PDE1C: variants seen among roughly 807,000 people sequenced by gnomAD.
The protein encoded by PDE1C is phosphodiesterase 1C.
Under a neutral mutation model 93.1 loss-of-function variants are expected in PDE1C, and 62 were observed. That is an observed-to-expected ratio of 0.67 (90% CI 0.54 to 0.82). The LOEUF (loss-of-function observed/expected upper bound fraction) is 0.82. Among genes scored for constraint, PDE1C ranks in the 40% least tolerant of loss-of-function variants. The pLI is 0.00. For synonymous variants in PDE1C, 325 were observed against 310.1 expected (o/e 1.05, Z -0.50); for missense variants, 742 against 884.6 (o/e 0.84, Z 2.04).
intron 1 of PDE1C, among the ~76,000 whole-genome samples, chr7:32,258,341 G>C (rs1269164289): frequency 6.6e-6 from 1 of 152,234 alleles, no homozygotes; most frequent in East Asian, 1.9e-4. Context: ...TCAAAGCTGT[G>C]AGATGAAACT....
intron 2 of PDE1C, among the ~76,000 whole-genome samples, chr7:32,180,738 A>G (rs1803340427): frequency 6.6e-6 from 1 of 152,270 alleles, no homozygotes; most frequent in Admixed American, 6.5e-5. Context: ...ATATAAGTGC[A>G]GAATTTTCCA....
At chr7:31,991,566 CA>C (rs1330154340) in intron 2 of PDE1C, among the ~76,000 whole-genome samples, 1 of 152,174 alleles carries the variant, frequency 6.6e-6, no homozygotes, top group Admixed American at 6.5e-5. Context: ...ACAGCATATG[CA>C]ATGCACCTCC....
chr7:31,730,882 A>G, the PDE1C span, among the ~76,000 whole-genome samples: 1 of 152,082 alleles, frequency 6.6e-6, no homozygotes, highest in African/African-American at 2.4e-5. Flanking sequence ...AGGATGAACA[A>G]AAGAGGAAAG....
At chr7:31,860,389 T>A (rs1425528270) in intron 7 of PDE1C, among the ~76,000 whole-genome samples, 1 of 152,192 alleles carries the variant, frequency 6.6e-6, no homozygotes, top group Non-Finnish European at 1.5e-5. Context: ...GAAACCCTGC[T>A]CTACATCCTA....
chr7:32,360,437 G>A (rs910894543), intron 1 of PDE1C, among the ~76,000 whole-genome samples: 13 of 151,728 alleles, frequency 8.6e-5, no homozygotes, highest in Non-Finnish European at 1.6e-4. Context: ...CAAGGCAGAG[G>A]TCTTTCTCAT....
chr7:31,719,447 T>C, the PDE1C span, among the ~76,000 whole-genome samples: 1 of 152,328 alleles, frequency 6.6e-6, no homozygotes, highest in East Asian at 1.9e-4. Context: ...AAGGATTTTT[T>C]CCACTGTTTT....
intron 3 of PDE1C, among the ~76,000 whole-genome samples, chr7:32,083,120 A>C (rs1796819908): frequency 6.6e-6 from 1 of 152,128 alleles, no homozygotes; most frequent in Admixed American, 6.5e-5. Flanking sequence ...ATTTAGACGA[A>C]TGTATAACTA....
intron 1 of PDE1C, among the ~76,000 whole-genome samples, chr7:32,288,486 C>T (rs1243333288): frequency 6.6e-6 from 1 of 152,140 alleles, no homozygotes; most frequent in Admixed American, 6.5e-5. Context: ...AACGGTTGGC[C>T]TCATGAATGA....
chr7:31,981,928 CTT>C (rs1812434482), intron 2 of PDE1C, among the ~76,000 whole-genome samples: 1 of 152,190 alleles, frequency 6.6e-6, no homozygotes, highest in African/African-American at 2.4e-5. Flanking sequence ...ACATGTGAGA[CTT>C]TGTTCTAGGT....
chr7:32,348,489 C>T (rs1783896757), intron 1 of PDE1C, among the ~76,000 whole-genome samples: 1 of 151,596 alleles, frequency 6.6e-6, no homozygotes, highest in Non-Finnish European at 1.5e-5. Flanking sequence ...CTCAGCCTCC[C>T]AGGTAGCTGG....
chr7:31,671,650 A>G, the PDE1C span, among the ~76,000 whole-genome samples: 1 of 152,118 alleles, frequency 6.6e-6, no homozygotes, highest in Non-Finnish European at 1.5e-5. Context: ...AGGGGGAGTC[A>G]TGGGACCCTG....
At chr7:32,181,200 G>A (rs900916086) in intron 2 of PDE1C, among the ~76,000 whole-genome samples, 1 of 152,094 alleles carries the variant, frequency 6.6e-6, no homozygotes, top group African/African-American at 2.4e-5. Flanking sequence ...ATAATAACGG[G>A]AGACTTTAAC....
the PDE1C span, among the ~76,000 whole-genome samples, chr7:31,745,244 T>A: frequency 6.6e-6 from 1 of 152,224 alleles, no homozygotes; most frequent in Non-Finnish European, 1.5e-5. Flanking sequence ...AGTTAGTGAT[T>A]GTCTGCTGGA....
chr7:32,194,355 T>G (rs1162444601), intron 2 of PDE1C, among the ~76,000 whole-genome samples: 1 of 152,240 alleles, frequency 6.6e-6, no homozygotes, highest in Non-Finnish European at 1.5e-5. Flanking sequence ...TATTCATAAT[T>G]TGTGTCTTGT....
the PDE1C span, among the ~76,000 whole-genome samples, chr7:31,639,096 G>A: frequency 3.3e-5 from 5 of 152,086 alleles, no homozygotes; most frequent in Non-Finnish European, 5.9e-5. Flanking sequence ...ATTTTCATGT[G>A]CCTTGGTGTA....
chr7:32,381,616 T>G (rs193261495), intron 1 of PDE1C, among the ~76,000 whole-genome samples: 15 of 152,256 alleles, frequency 9.9e-5, no homozygotes, highest in African/African-American at 2.9e-4. Context: ...AAGCTCCCTT[T>G]GAAGCCCATC....
chr7:31,800,767 C>CA (rs879297277), intron 16 of PDE1C, among the ~76,000 whole-genome samples: 4 of 150,740 alleles, frequency 2.7e-5, no homozygotes, highest in African/African-American at 4.9e-5. Flanking sequence ...CAATTTCTAC[C>CA]AAAAAAAAGC....
chr7:32,028,379 A>G (rs544957786), intron 2 of PDE1C, among the ~76,000 whole-genome samples: 113 of 152,200 alleles, frequency 7.4e-4, no homozygotes, highest in Middle Eastern at 3.4e-3. Flanking sequence ...TATTCCTACT[A>G]CTGGAGGTTC....
chr7:32,400,492 C>G (rs1306281569), intron 1 of PDE1C, among the ~76,000 whole-genome samples: 1 of 152,160 alleles, frequency 6.6e-6, no homozygotes, highest in Admixed American at 6.5e-5. Flanking sequence ...TTAAGAGTTA[C>G]AATGCACATT....
Sources: allele counts gnomAD v4.1 joint callset (sites outside exome capture counted in the v4.1 genomes callset), GRCh38; gene constraint gnomAD v4.1.1; transcripts MANE v1.5; gene names NCBI Gene and HGNC (gene_info 2026-07-23, HGNC 2026-07-21).